Variants in SLC10A7 observed in about 807,000 individuals in gnomAD.
SLC10A7 encodes sodium/bile acid cotransporter 7.
In SLC10A7, 29 loss-of-function variants were observed where a neutral mutation model predicts 43.2. That is an observed-to-expected ratio of 0.67 (90% CI 0.50 to 0.92). The LOEUF (loss-of-function observed/expected upper bound fraction) is 0.92. SLC10A7 is among the 40% of genes least tolerant of loss of function. The pLI is 0.00. For missense variants in SLC10A7, 295 were observed against 403.2 expected (o/e 0.73, Z 2.30); for synonymous variants, 152 against 144.8 (o/e 1.05, Z -0.35).
chr4:146,515,035 G>A (rs1737817333), intron 2 of SLC10A7: 2 of 680,876 alleles, frequency 2.9e-6, no homozygotes, highest in African/African-American at 3.5e-5. Flanking sequence ...AGGTTTCTTA[G>A]GTGCTTACAA....
At chr4:146,445,891 C>CTGTG (rs10678013) in intron 4 of SLC10A7, among the ~76,000 whole-genome samples, 7,683 of 148,586 alleles carry the variant, frequency 0.052, 405 homozygotes, top group African/African-American at 0.14. Flanking sequence ...CTTCTCTCTT[C>CTGTG]TGTGTGTGTG....
chr4:146,430,176 C>G (rs763100175), intron 5 of SLC10A7, among the ~76,000 whole-genome samples: 5 of 151,776 alleles, frequency 3.3e-5, no homozygotes, highest in African/African-American at 9.7e-5. Context: ...AAGGGTGGAT[C>G]AACAGTTAAC....
intron 6 of SLC10A7, among the ~76,000 whole-genome samples, chr4:146,318,790 C>T (rs1395598873): frequency 1.5e-5 from 2 of 132,756 alleles, no homozygotes. Flanking sequence ...TAAAATCTTC[C>T]CTATCTTAGT....
chr4:146,449,908 A>G (rs566661220), intron 4 of SLC10A7, among the ~76,000 whole-genome samples: 4 of 152,188 alleles, frequency 2.6e-5, no homozygotes, highest in Non-Finnish European at 5.9e-5. Context: ...ATTACCAAAG[A>G]TATGACTATT....
At chr4:146,320,394 G>A (rs140565037) in intron 6 of SLC10A7, among the ~76,000 whole-genome samples, 4 of 152,132 alleles carry the variant, frequency 2.6e-5, no homozygotes, top group African/African-American at 7.2e-5. Context: ...GTGAGGGCAT[G>A]GGGTGAGAGT....
At chr4:146,482,925 G>A (rs1395680887) in intron 4 of SLC10A7, among the ~76,000 whole-genome samples, 1 of 151,878 alleles carries the variant, frequency 6.6e-6, no homozygotes, top group Non-Finnish European at 1.5e-5. Context: ...CCAACAGAGA[G>A]TGGAATGATA....
At chr4:146,317,544 T>G (rs1292591558) in intron 6 of SLC10A7, among the ~76,000 whole-genome samples, 1 of 152,080 alleles carries the variant, frequency 6.6e-6, no homozygotes, top group Admixed American at 6.6e-5. Flanking sequence ...ACATTGTTTT[T>G]GGGTGTATCT....
At chr4:146,400,765 G>A (rs146840413) in intron 5 of SLC10A7, among the ~76,000 whole-genome samples, 6 of 152,046 alleles carry the variant, frequency 3.9e-5, no homozygotes, top group South Asian at 2.1e-4. Context: ...GATGACAGAC[G>A]TGAATGAATA....
intron 10 of SLC10A7, among the ~76,000 whole-genome samples, chr4:146,276,832 T>C (rs914446661): frequency 6.6e-6 from 1 of 152,030 alleles, no homozygotes; most frequent in African/African-American, 2.4e-5. Context: ...CTCAGGCCTG[T>C]AGCCCCAGCT....
chr4:146,299,953 A>T (rs1560776665), intron 7 of SLC10A7, among the ~76,000 whole-genome samples: 1 of 152,166 alleles, frequency 6.6e-6, no homozygotes, highest in Non-Finnish European at 1.5e-5. Context: ...ATGACAGGTC[A>T]TGGAATCTGA....
At chr4:146,506,517 C>T (rs1736913220) in intron 3 of SLC10A7, among the ~76,000 whole-genome samples, 1 of 152,138 alleles carries the variant, frequency 6.6e-6, no homozygotes, top group African/African-American at 2.4e-5. Context: ...GCCCCAGAGA[C>T]CATTCTCTTT....
At chr4:146,331,919 C>T (rs527727943) in intron 5 of SLC10A7, among the ~76,000 whole-genome samples, 1 of 152,184 alleles carries the variant, frequency 6.6e-6, no homozygotes, top group Admixed American at 6.5e-5. Flanking sequence ...GAATTCTGGA[C>T]ACATCTAAAT....
At chr4:146,312,140 T>C (rs1732025113) in intron 6 of SLC10A7, among the ~76,000 whole-genome samples, 1 of 152,174 alleles carries the variant, frequency 6.6e-6, no homozygotes, top group African/African-American at 2.4e-5. Flanking sequence ...GGAAAGTATC[T>C]TTTTAATATT....
At chr4:146,431,537 A>G (rs1729776936) in intron 5 of SLC10A7, among the ~76,000 whole-genome samples, 1 of 152,174 alleles carries the variant, frequency 6.6e-6, no homozygotes, top group Non-Finnish European at 1.5e-5. Context: ...GAAAAAATCC[A>G]TAAAGGAAAA....
intron 5 of SLC10A7, among the ~76,000 whole-genome samples, chr4:146,388,352 G>A (rs1738157879): frequency 6.6e-6 from 1 of 152,080 alleles, no homozygotes; most frequent in East Asian, 1.9e-4. Context: ...AATGGTGCTG[G>A]GAAAACTGGA....
At chr4:146,280,317 A>G (rs1729467316) in intron 10 of SLC10A7, among the ~76,000 whole-genome samples, 1 of 152,208 alleles carries the variant, frequency 6.6e-6, no homozygotes, top group Admixed American at 6.5e-5. Flanking sequence ...GAGAGAAAAT[A>G]TAACTCTAAC....
intron 5 of SLC10A7, among the ~76,000 whole-genome samples, chr4:146,377,551 G>A (rs946517768): frequency 6.6e-6 from 1 of 152,156 alleles, no homozygotes; most frequent in Non-Finnish European, 1.5e-5. Flanking sequence ...CCATGATAAG[G>A]TCAAGGAAAT....
intron 9 of SLC10A7, among the ~76,000 whole-genome samples, chr4:146,285,327 G>A (rs574301580): frequency 1.3e-5 from 2 of 149,438 alleles, no homozygotes; most frequent in South Asian, 4.3e-4. Context: ...AAGAATCAGA[G>A]TGAAAACAGG....
intron 10 of SLC10A7, among the ~76,000 whole-genome samples, chr4:146,261,421 C>T (rs983494817): frequency 6.7e-6 from 1 of 149,086 alleles, no homozygotes; most frequent in Non-Finnish European, 1.5e-5. Flanking sequence ...CTTCCCTTTG[C>T]CCCCCCAGCT....
Sources: allele counts gnomAD v4.1 joint callset (sites outside exome capture counted in the v4.1 genomes callset), GRCh38; gene constraint gnomAD v4.1.1; transcripts MANE v1.5; gene names NCBI Gene and HGNC (gene_info 2026-07-23, HGNC 2026-07-21).